PIAS2: variants seen among roughly 807,000 people sequenced by gnomAD.
The protein encoded by PIAS2 is protein inhibitor of activated STAT 2.
PIAS2 carries 19 observed loss-of-function variants against 69.7 expected under a neutral mutation model. The observed-to-expected ratio is 0.27, with a 90% confidence interval of 0.19 to 0.40. The LOEUF (loss-of-function observed/expected upper bound fraction) is 0.40, where lower values mean the gene tolerates loss of function less well. Ranked by LOEUF, PIAS2 falls within the 10% of genes least tolerant of loss-of-function variation. PIAS2 has a pLI of 1.00. For synonymous variants in PIAS2, 261 were observed against 263.2 expected (o/e 0.99, Z 0.08); for missense variants, 624 against 757.0 (o/e 0.82, Z 2.06).
At chr18:46,849,240 G>A (rs556719112) in intron 5 of PIAS2, among the ~76,000 whole-genome samples, 1 of 152,210 alleles carries the variant, frequency 6.6e-6, no homozygotes, top group African/African-American at 2.4e-5. Context: ...TCAGCATAAA[G>A]TGTTTTCAAT....
chr18:46,833,193 G>C (rs1379923631), intron 9 of PIAS2, among the ~76,000 whole-genome samples: 1 of 152,140 alleles, frequency 6.6e-6, no homozygotes, highest in Non-Finnish European at 1.5e-5. Flanking sequence ...ACAAACTGTG[G>C]GTTAGAATGC....
intron 5 of PIAS2, among the ~76,000 whole-genome samples, chr18:46,852,356 G>A (rs1252454303): frequency 6.6e-6 from 1 of 152,126 alleles, no homozygotes. Context: ...TAAGGGTCAG[G>A]CAAATCCTCC....
intron 13 of PIAS2, 150 bp from the exon 14 acceptor site, chr18:46,812,762 G>A (rs2041101343): frequency 3.6e-6 from 2 of 548,952 alleles, no homozygotes; most frequent in South Asian, 5.8e-5. Context: ...ATCTTTGGGT[G>A]GAAGATAGCA....
In PIAS2 at chr18:46,812,505, G is replaced by A. The variant is rs1599235277; in HGVS notation, c.1794C>T (p.Ser598=). ...TGACCCCTGTCTCACTCCTGCTGCTGGATGAACTAACATGAGTACTGCTTT... is the reference window on the plus strand; with the variant it reads ...TGACCCCTGTCTCACTCCTGCTGCTAGATGAACTAACATGAGTACTGCTTT... ...SHESSTHVSS[S]SSRSETGVIT... The change falls in exon 14 of 14, where the codon TCC becomes TCT. Residue 598 remains serine (S), a synonymous_variant. Coordinates refer to ENST00000585916, the MANE Select transcript of PIAS2 (RefSeq NM_004671.5). The A allele has an allele frequency of 1.9e-6, 3 of 1,612,682 alleles. No homozygotes were observed. The highest frequency in any genetic ancestry group is 4.5e-5 in the East Asian group (2 of 44,868).
intron 2 of PIAS2, among the ~76,000 whole-genome samples, chr18:46,884,867 A>T (rs2145906871): frequency 6.6e-6 from 1 of 152,104 alleles, no homozygotes; most frequent in Admixed American, 6.5e-5. Flanking sequence ...CGGTGAGCTG[A>T]GACCGTGCCA....
At chr18:46,847,987 T>C (rs937321620) in intron 5 of PIAS2, among the ~76,000 whole-genome samples, 10 of 152,150 alleles carry the variant, frequency 6.6e-5, no homozygotes, top group African/African-American at 2.4e-4. Flanking sequence ...TGTAATTTAA[T>C]TATGTACTAT....
At chr18:46,906,930 C>T (rs75861747) in intron 1 of PIAS2, among the ~76,000 whole-genome samples, 8,549 of 152,104 alleles carry the variant, frequency 0.056, 522 homozygotes, top group African/African-American at 0.14. Context: ...CCAACCCTCC[C>T]TGTGAGAACT....
Position 46,846,833 on chromosome 18 carries a change from T to A in PIAS2, c.735A>T (p.Ala245=), listed in dbSNP as rs1311468680. The A allele has an allele frequency of 1.2e-6, 2 of 1,603,114 alleles. No individual in the cohort carries two copies. Among genetic ancestry groups the A allele is most frequent in the South Asian group, 2.3e-5 (2 of 88,318 alleles). The stretch of plus-strand genomic sequence containing the variant: ...GTTCAATCCCATTTTTAGGCGGTGG[T>A]GCATAGCCCTATAACCGTAAGAAAG... ...NGKLFPLPGY[A]PPPKNGIEQK... is the part of the protein sequence containing the mutation. The change falls in exon 6 of 14, where the codon GCA becomes GCT. Residue 245 remains alanine (A), a synonymous_variant. Coordinates refer to ENST00000585916, the MANE Select transcript of PIAS2 (RefSeq NM_004671.5).
intron 5 of PIAS2, among the ~76,000 whole-genome samples, chr18:46,847,392 T>A (rs1000087896): frequency 1.3e-5 from 2 of 152,102 alleles, no homozygotes; most frequent in Non-Finnish European, 2.9e-5. Context: ...ATAAGGATAA[T>A]CAACATTTCA....
At chr18:46,914,959 C>T (rs975429451) in intron 1 of PIAS2, 5 of 151,956 alleles carry the variant, frequency 3.3e-5, no homozygotes, top group African/African-American at 9.7e-5. Context: ...TCTTTCTATT[C>T]CGTTTTTTAG....
At chr18:46,870,956 T>C (rs149181545) in intron 2 of PIAS2, among the ~76,000 whole-genome samples, 1 of 152,214 alleles carries the variant, frequency 6.6e-6, no homozygotes, top group East Asian at 1.9e-4. Context: ...CAGGAATCAG[T>C]ACCTCAGACC....
intron 13 of PIAS2, among the ~76,000 whole-genome samples, chr18:46,813,032 T>C (rs767627668): frequency 3.2e-4 from 49 of 152,198 alleles, no homozygotes; most frequent in Admixed American, 2.7e-3. Context: ...AAGTATTTGT[T>C]AGCCTTTCCC....
chr18:46,840,228 T>C (rs1448418988), intron 8 of PIAS2, among the ~76,000 whole-genome samples: 2 of 152,142 alleles, frequency 1.3e-5, no homozygotes, highest in South Asian at 4.1e-4. Flanking sequence ...GCTATAGTTA[T>C]CAATATTTGT....
intron 6 of PIAS2, among the ~76,000 whole-genome samples, chr18:46,845,477 T>C (rs1164309775): frequency 2.0e-5 from 3 of 152,146 alleles, no homozygotes; most frequent in Admixed American, 1.3e-4. Flanking sequence ...GCAGCTACTA[T>C]AGTATGTAAG....
At chr18:46,857,658 G>A (rs2048035919) in intron 3 of PIAS2, among the ~76,000 whole-genome samples, 2 of 152,206 alleles carry the variant, frequency 1.3e-5, no homozygotes, top group African/African-American at 4.8e-5. Flanking sequence ...ATGGATGGGG[G>A]CATAAAGGGT....
At chr18:46,824,451 T>C (rs921720418) in intron 11 of PIAS2, among the ~76,000 whole-genome samples, 1 of 152,198 alleles carries the variant, frequency 6.6e-6, no homozygotes, top group African/African-American at 2.4e-5. Context: ...GGGCACAATA[T>C]GTAAAATTAT....
At chr18:46,820,879 T>TA (rs372812488) in intron 12 of PIAS2, 54 bp downstream of exon 12, 141 of 1,533,818 alleles carry the variant, frequency 9.2e-5, no homozygotes, top group African/African-American at 3.1e-4. Context: ...AGATTAAGAT[T>TA]AAAAAAAATA....
chr18:46,868,298 A>T (rs925601508), intron 2 of PIAS2, among the ~76,000 whole-genome samples: 1 of 152,196 alleles, frequency 6.6e-6, no homozygotes, highest in Non-Finnish European at 1.5e-5. Flanking sequence ...TCTGCTCTGT[A>T]AACAACTACT....
upstream of PIAS2, chr18:46,920,004 C>G (rs2058444183): frequency 1.9e-5 from 23 of 1,213,886 alleles, 1 homozygote; most frequent in South Asian, 2.9e-4. Flanking sequence ...ATAAAGAGGA[C>G]CAACATAAAC....
Sources: gnomAD v4.1 joint callset for allele counts (sites outside exome capture counted in the v4.1 genomes callset) on GRCh38, gnomAD v4.1.1 for gene constraint, MANE v1.5 for transcripts, NCBI Gene and HGNC (gene_info 2026-07-23, HGNC 2026-07-21) for gene names.